The following LOC114841035 variants were observed in gnomAD, a reference collection of about 807,000 sequenced individuals.
chr11:64,242,607 C>T, the LOC114841035 span: 2 of 1,511,418 alleles, frequency 1.3e-6, no homozygotes, highest in East Asian at 5.1e-5. Flanking sequence ...CTTCCGAGGA[C>T]CAGAGAGTGC....
chr11:64,243,711 C>T, the LOC114841035 span: 6 of 1,349,066 alleles, frequency 4.4e-6, no homozygotes, highest in Non-Finnish European at 6.3e-6. Context: ...GCCTTTGGCA[C>T]CCCCTTCCCA....
At chr11:64,242,072 A>G in the LOC114841035 span, 1 of 288,982 alleles carries the variant, frequency 3.5e-6, no homozygotes, top group East Asian at 6.8e-5. Context: ...GACAGGCGGG[A>G]ACTGAAGAGC....
the LOC114841035 span, chr11:64,244,040 G>C: frequency 2.5e-6 from 4 of 1,613,424 alleles, no homozygotes; most frequent in Non-Finnish European, 3.4e-6. Context: ...CCAGACTGGG[G>C]AGGGGCAGGG....
the LOC114841035 span, among the ~76,000 whole-genome samples, chr11:64,242,723 G>T: frequency 6.6e-6 from 1 of 152,172 alleles, no homozygotes; most frequent in Non-Finnish European, 1.5e-5. Flanking sequence ...TACTGCCCAG[G>T]TGGGCACCAG....
chr11:64,243,091 C>T, the LOC114841035 span: 3 of 965,234 alleles, frequency 3.1e-6, no homozygotes, highest in South Asian at 4.0e-5. Flanking sequence ...GACTGACCAC[C>T]AGGGCTGTGG....
chr11:64,243,013 A>G, the LOC114841035 span, among the ~76,000 whole-genome samples: 1 of 151,962 alleles, frequency 6.6e-6, no homozygotes, highest in Non-Finnish European at 1.5e-5. Context: ...CAGAGGCTGC[A>G]GGGAGGCGAG....
chr11:64,242,371 T>A, the LOC114841035 span: 2 of 1,497,794 alleles, frequency 1.3e-6, no homozygotes, highest in Non-Finnish European at 1.8e-6. Context: ...TCGGTCGGGG[T>A]CTGTGCCCAC....
At chr11:64,243,865 C>CA in the LOC114841035 span, 1 of 1,614,166 alleles carries the variant, frequency 6.2e-7, no homozygotes, top group Non-Finnish European at 8.5e-7. Flanking sequence ...GGAGCTCCCC[C>CA]AAAGATTCCA....
the LOC114841035 span, chr11:64,244,049 G>C: frequency 3.1e-6 from 5 of 1,613,160 alleles, no homozygotes; most frequent in Admixed American, 1.7e-5. Context: ...GGAGGGGCAG[G>C]GGGAGAGGCC....
the LOC114841035 span, chr11:64,243,689 T>G: frequency 8.2e-7 from 1 of 1,222,254 alleles, no homozygotes; most frequent in Non-Finnish European, 1.2e-6. Context: ...GGCCCCACTC[T>G]GCCCTTGCCA....
the LOC114841035 span, chr11:64,242,370 G>T: frequency 4.1e-5 from 62 of 1,501,520 alleles, no homozygotes; most frequent in Non-Finnish European, 5.1e-5. Context: ...GTCGGTCGGG[G>T]TCTGTGCCCA....
the LOC114841035 span, chr11:64,241,641 C>T: frequency 4.6e-5 from 7 of 152,374 alleles, no homozygotes; most frequent in African/African-American, 1.7e-4. Context: ...GCCAAGGAGC[C>T]AAGTGAGGAG....
the LOC114841035 span, chr11:64,242,386 A>T: frequency 6.6e-7 from 1 of 1,523,964 alleles, no homozygotes. Flanking sequence ...GCCCACAGAG[A>T]CATGAGGCTG....
At chr11:64,243,602 C>A in the LOC114841035 span, 3 of 1,406,580 alleles carry the variant, frequency 2.1e-6, no homozygotes, top group South Asian at 1.2e-5. Context: ...CCATTCATTA[C>A]AATACATGCC....
the LOC114841035 span, chr11:64,241,895 TC>T: frequency 6.5e-6 from 1 of 152,956 alleles, no homozygotes; most frequent in Non-Finnish European, 1.5e-5. Flanking sequence ...CCCGGGCTCC[TC>T]GGAGCCACCC....
At chr11:64,242,463 G>C in the LOC114841035 span, 12 of 1,548,794 alleles carry the variant, frequency 7.7e-6, no homozygotes, top group Admixed American at 2.3e-4. Context: ...CACGGGGGCC[G>C]AGGGCAAAAG....
At chr11:64,242,541 C>T in the LOC114841035 span, 1 of 1,551,706 alleles carries the variant, frequency 6.4e-7, no homozygotes, top group Non-Finnish European at 8.7e-7. Context: ...AGGGGATGTC[C>T]TGCACATGCA....
the LOC114841035 span, chr11:64,243,737 TCCATTTCTGG>T: frequency 1.3e-6 from 2 of 1,497,458 alleles, no homozygotes; most frequent in Non-Finnish European, 1.9e-6. Context: ...ATTACCCTTC[TCCATTTCTGG>T]CCTTCTTGCT....
the LOC114841035 span, chr11:64,242,707 C>T: frequency 1.2e-6 from 1 of 866,450 alleles, no homozygotes; most frequent in Non-Finnish European, 1.7e-6. Context: ...CTGCCTTGCC[C>T]TTGCCTACTG....
Sources: allele counts gnomAD v4.1 joint callset (sites outside exome capture counted in the v4.1 genomes callset), GRCh38; gene constraint gnomAD v4.1.1; transcripts MANE v1.5.